Variants in LVRN observed in about 807,000 individuals in gnomAD.
LVRN encodes aminopeptidase Q.
LVRN carries 99 observed loss-of-function variants against 111.4 expected under a neutral mutation model. The observed-to-expected ratio is 0.89, with a 90% CI of 0.76 to 1.05. The LOEUF is 1.05. LVRN is among the 50% of genes least tolerant of loss of function. LVRN has a pLI of 0.00. For synonymous variants in LVRN, 488 were observed against 449.5 expected (o/e 1.09, Z -1.08); for missense variants, 1,414 against 1,206.8 (o/e 1.17, Z -2.54).
At position 116,015,785 on chromosome 5, in the gene LVRN, C is replaced by T; in HGVS notation, c.2756+20C>T. On this transcript the variant is annotated intron_variant, in intron 18 of 19. Coordinates refer to ENST00000357872, the MANE Select transcript of LVRN (RefSeq NM_173800.5). ...TAAAAGGTAAGAAGGAAAGTGAGACCTTTCTTTCATTTAGGCCACTGGTTT... is the reference window on the plus strand; with the variant it reads ...TAAAAGGTAAGAAGGAAAGTGAGACTTTTCTTTCATTTAGGCCACTGGTTT... 1.9e-6 allele frequency: 3 copies of T among 1,610,782 alleles called. No individual in the cohort carries two copies. Among genetic ancestry groups the T allele is most frequent in the Non-Finnish European group, 2.5e-6 (3 of 1,178,428 alleles).
At position 116,015,384 on chromosome 5, in the gene LVRN, A is replaced by C; in HGVS notation, c.2583A>C (p.Ala861=). 1 of 1,517,980 alleles carries C rather than the reference A, an allele frequency of 6.6e-7. No individual in the cohort carries two copies. Among genetic ancestry groups the C allele is most frequent in the Non-Finnish European group, 8.9e-7 (1 of 1,125,004 alleles). The allele number at this position is 1,517,980 out of a possible 1,614,324, so 94.0% of individuals were successfully genotyped here. A position where few individuals can be genotyped will look rare whatever the true frequency, so the allele number is the denominator to read the frequency against. ...NKEEKIQLAY[A]MSCSKDPWIL... ...AAGAAAAGATTCAACTTGCTTATGC[A>C]ATGAGCTGCAGCAAAGACCCATGGA... Residue 861 remains alanine (A), a synonymous_variant, in exon 17 of 20, where the codon GCA becomes GCC. Transcript: ENST00000357872.
chr5:115,998,001 A>G (rs745584457), intron 6 of LVRN, among the ~76,000 whole-genome samples: 1 of 152,190 alleles, frequency 6.6e-6, no homozygotes, highest in Non-Finnish European at 1.5e-5. Context: ...AAGAAAGACA[A>G]TCTGTTCTGA....
intron 12 of LVRN, among the ~76,000 whole-genome samples, chr5:116,004,487 A>C (rs1387361040): frequency 1.3e-5 from 2 of 152,234 alleles, no homozygotes; most frequent in African/African-American, 4.8e-5. Context: ...TCTGAGGCAC[A>C]CAGCAATCTC....
rs771218840 is a variant in LVRN, at chr5:116,015,455, A to G, written c.2618+36A>G. Reference sequence around the variant, plus strand: ...TCAACTTACCTTGAAAGTTTCTGTTATAGGAATTAAATTAATAAAGGAAAA... The same window carrying G: ...TCAACTTACCTTGAAAGTTTCTGTTGTAGGAATTAAATTAATAAAGGAAAA... On this transcript the variant is annotated intron_variant, in intron 17 of 19. Coordinates refer to ENST00000357872, the MANE Select transcript of LVRN (RefSeq NM_173800.5). The G allele has an allele frequency of 2.7e-6, 4 of 1,503,322 alleles. No individual in the cohort carries two copies. The Admixed American group carries it at 7.0e-5, about 26-fold the overall frequency. 93.1% of individuals were successfully genotyped at this position (1,503,322 alleles called of 1,614,324 possible).
chr5:115,983,256 T>TAAATAA (rs776693703), intron 1 of LVRN, 31 bp from the exon 2 acceptor site: 65 of 1,504,742 alleles, frequency 4.3e-5, no homozygotes, highest in Admixed American at 7.7e-5. Context: ...GAAATAAAAA[T>TAAATAA]AAATAAAAAT....
chr5:115,973,024 G>A (rs11241344), intron 1 of LVRN, among the ~76,000 whole-genome samples: 20,447 of 151,876 alleles, frequency 0.13, 2,153 homozygotes, highest in East Asian at 0.47. Flanking sequence ...GACTTCCAGG[G>A]CTCAGGTGAT....
chr5:116,004,231 A>T (rs1044303137), intron 12 of LVRN, among the ~76,000 whole-genome samples: 2 of 152,240 alleles, frequency 1.3e-5, no homozygotes, highest in African/African-American at 4.8e-5. Flanking sequence ...TATATTATAA[A>T]ATAACTATAA....
chr5:115,966,854 A>G (rs1025185982), intron 1 of LVRN, among the ~76,000 whole-genome samples: 2 of 152,318 alleles, frequency 1.3e-5, no homozygotes, highest in East Asian at 3.9e-4. Context: ...GGTGTATGGT[A>G]ATATCTCATT....
chr5:116,012,150 G>A (rs1207683122), intron 14 of LVRN, among the ~76,000 whole-genome samples: 1 of 152,064 alleles, frequency 6.6e-6, no homozygotes, highest in African/African-American at 2.4e-5. Flanking sequence ...ATAATACACT[G>A]TAACATTGGT....
At chr5:116,017,722 G>A (rs532076657) in intron 18 of LVRN, among the ~76,000 whole-genome samples, 2 of 152,204 alleles carry the variant, frequency 1.3e-5, no homozygotes, top group South Asian at 2.1e-4. Context: ...ATAATGAATA[G>A]GCTTTAAGAT....
In LVRN at chr5:116,000,609, T is replaced by A; in HGVS notation, c.1598T>A (p.Phe533Tyr). 1 of 1,614,068 alleles carries A rather than the reference T, an allele frequency of 6.2e-7. No individual in the cohort carries two copies. Among genetic ancestry groups the A allele is most frequent in the Non-Finnish European group, 8.5e-7 (1 of 1,179,934 alleles). Residue 533 changes from phenylalanine to tyrosine, a missense_variant, in exon 9 of 20, where the codon TTT (phenylalanine) becomes TAT (tyrosine). By Grantham distance (22) the Phe-to-Tyr change is conservative. Coordinates refer to ENST00000357872, the MANE Select transcript of LVRN (RefSeq NM_173800.5). Reference sequence around the variant, plus strand: ...TTTTTACAGTCATATTTGAAGACATTTTCCTACTCAAACGCTGAGCAAGAT... The same window carrying A: ...TTTTTACAGTCATATTTGAAGACATATTCCTACTCAAACGCTGAGCAAGAT... Reference protein sequence around the residue: ...VSALKSYLKTFSYSNAEQDDL... With the variant: ...VSALKSYLKTYSYSNAEQDDL...
intron 1 of LVRN, among the ~76,000 whole-genome samples, chr5:115,973,215 C>T (rs1013646982): frequency 6.6e-6 from 1 of 152,192 alleles, no homozygotes; most frequent in African/African-American, 2.4e-5. Context: ...CAGGCATGAG[C>T]CACTGCACCC....
rs766329172 is a variant in LVRN at position 115,962,863 on chromosome 5, C to T, written c.246C>T (p.Thr82=). ...PSSARELAVT[T]TPSNWRPPGP... ...GTGCACGCGAGCTAGCGGTGACGAC[C>T]ACCCCGAGCAACTGGCGACCCCCGG... is the stretch of plus-strand genomic sequence containing the variant. The change falls in exon 1 of 20, where the codon ACC becomes ACT. Residue 82 remains threonine, a synonymous_variant. Coordinates refer to ENST00000357872, the MANE Select transcript of LVRN (RefSeq NM_173800.5). The T allele has an allele frequency of 2.5e-6, 4 of 1,613,060 alleles. No individual in the cohort carries two copies. Among genetic ancestry groups the T allele is most frequent in the Non-Finnish European group, 3.4e-6 (4 of 1,179,778 alleles).
At chr5:116,009,353 ATGT>A (rs1748441461) in intron 13 of LVRN, among the ~76,000 whole-genome samples, 1 of 152,316 alleles carries the variant, frequency 6.6e-6, no homozygotes, top group Admixed American at 6.5e-5. Context: ...AAGGAGATTA[ATGT>A]TGTTTTCATG....
chr5:115,995,032 C>T lies in LVRN; in HGVS notation c.1374+1178C>T, dbSNP rs17138603. Among the ~76,000 whole-genome samples the T allele has an allele frequency of 9.7e-3, 1,484 of 152,276 alleles. 26 individuals carry two copies. Among genetic ancestry groups the T allele is most frequent in the South Asian group, 0.053 (256 of 4,828 alleles). ...TCCCAGTTGTTCCAAGGCTGGATTA[C>T]TGACCTCTTTTCTCCTCCCTACCTT... On this transcript the variant is annotated intron_variant, in intron 6 of 19. Transcript: ENST00000357872.
chr5:116,014,032 A>C (rs1363973721), intron 15 of LVRN, among the ~76,000 whole-genome samples: 1 of 152,200 alleles, frequency 6.6e-6, no homozygotes, highest in Non-Finnish European at 1.5e-5. Context: ...TTTATTTTAA[A>C]GTCTATTAGA....
intron 1 of LVRN, among the ~76,000 whole-genome samples, chr5:115,982,112 C>T (rs1037032193): frequency 6.6e-6 from 1 of 151,998 alleles, no homozygotes; most frequent in African/African-American, 2.4e-5. Context: ...ATAATGTGGG[C>T]AAGAGCAAGT....
In LVRN at chr5:115,962,532, G is replaced by T; in HGVS notation, c.-86G>T. On this transcript the variant is annotated 5_prime_UTR_variant, in exon 1 of 20. Coordinates refer to ENST00000357872, the MANE Select transcript of LVRN (RefSeq NM_173800.5). ...ACGATACAAGAGAGGAGGGGCAGGG[G>T]TCGCAGCACTGAACACCCTGGCCGG... 1 of 1,214,312 alleles carries T rather than the reference G, an allele frequency of 8.2e-7. No homozygotes were observed. Among genetic ancestry groups the T allele is most frequent in the East Asian group, 2.4e-5 (1 of 41,854 alleles). The allele number at this position is 1,214,312 out of a possible 1,614,324, so 75.2% of individuals were successfully genotyped here.
chr5:116,012,393 T>C lies in LVRN; in HGVS notation c.2267T>C (p.Leu756Pro). Residue 756 changes from leucine to proline, a missense_variant, in exon 15 of 20, where the codon CTT (leucine) becomes CCT (proline). By Grantham distance (98) the Leu-to-Pro change is moderately conservative (BLOSUM62 -3). Transcript: ENST00000357872. ...SLLKRYLLKR[L>P]NLIWNIYSTI... The stretch of plus-strand genomic sequence containing the variant: ...TTATAGAGGTACCTATTAAAGAGAC[T>C]TAATTTAATATGGAATATTTATTCA... The C allele has an allele frequency of 6.6e-7, 1 of 1,513,452 alleles. No homozygotes were observed. Among genetic ancestry groups the C allele is most frequent in the Non-Finnish European group, 9.1e-7 (1 of 1,098,228 alleles). 93.8% of individuals were successfully genotyped at this position (1,513,452 alleles called of 1,614,324 possible).
Sources: allele counts gnomAD v4.1 joint callset (sites outside exome capture counted in the v4.1 genomes callset), GRCh38; gene constraint gnomAD v4.1.1; transcripts MANE v1.5; gene names NCBI Gene and HGNC (gene_info 2026-07-23, HGNC 2026-07-21).